MAML2: variants seen among roughly 807,000 people sequenced by gnomAD.
The protein encoded by MAML2 is mastermind like transcriptional coactivator 2.
In MAML2, 22 loss-of-function variants were observed where a neutral mutation model predicts 96.1. The ratio of observed to expected loss-of-function variants is 0.23; its 90% CI spans 0.16 to 0.33. The LOEUF (loss-of-function observed/expected upper bound fraction) is 0.33, where lower values mean the gene tolerates loss of function less well. Among genes scored for constraint, MAML2 ranks in the 10% least tolerant of loss-of-function variants. The pLI, the probability that MAML2 is intolerant of heterozygous loss-of-function variation, is 1.00. For missense variants in MAML2, 1,367 were observed against 1,392.4 expected (o/e 0.98, Z 0.29); for synonymous variants, 561 against 521.3 (o/e 1.08, Z -1.04).
At chr11:96,073,145 T>C (rs2135790063) in intron 2 of MAML2, among the ~76,000 whole-genome samples, 1 of 152,336 alleles carries the variant, frequency 6.6e-6, no homozygotes, top group South Asian at 2.1e-4. Flanking sequence ...ATAATTTAAC[T>C]GAAGTGTATT....
intron 3 of MAML2, among the ~76,000 whole-genome samples, chr11:95,987,400 G>A (rs1473405944): frequency 3.3e-5 from 5 of 152,148 alleles, no homozygotes; most frequent in African/African-American, 1.2e-4. Context: ...TTTTTATCTT[G>A]TTTGGTATGG....
intron 2 of MAML2, among the ~76,000 whole-genome samples, chr11:96,028,295 A>G (rs1858556721): frequency 6.6e-6 from 1 of 151,490 alleles, no homozygotes; most frequent in Non-Finnish European, 1.5e-5. Flanking sequence ...TGCCCCAAAG[A>G]CTCTTCTTTC....
intron 1 of MAML2, among the ~76,000 whole-genome samples, chr11:96,264,009 T>C (rs571067651): frequency 6.6e-6 from 1 of 152,302 alleles, no homozygotes; most frequent in East Asian, 1.9e-4. Flanking sequence ...TAAATGTTGG[T>C]TATAGTTATA....
intron 1 of MAML2, among the ~76,000 whole-genome samples, chr11:96,120,569 C>T (rs1416498078): frequency 6.6e-6 from 1 of 152,194 alleles, no homozygotes; most frequent in Non-Finnish European, 1.5e-5. Context: ...ACTTTGTTTC[C>T]ACTCTGCATC....
In MAML2 at chr11:96,199,196, C is replaced by CAAAA. The variant is rs71459791; in HGVS notation, c.514-105683_514-105680dup. On this transcript the variant is annotated intron_variant, in intron 1 of 4. Coordinates refer to ENST00000524717, the MANE Select transcript of MAML2 (RefSeq NM_032427.4). Reference sequence around the variant, plus strand: ...TGGGCAACAGAGCAAGCCTCCGTCTCAAAAAAAAAAAAAAAAAAAAAAAAA... The same window carrying CAAAA: ...TGGGCAACAGAGCAAGCCTCCGTCTCAAAAAAAAAAAAAAAAAAAAAAAAAAAAA... 6.3e-4 allele frequency among the ~76,000 whole-genome samples: 37 copies of CAAAA among 58,616 alleles called. 1 individual carries two copies. Among genetic ancestry groups the CAAAA allele is most frequent in the Middle Eastern group, 0.011 (1 of 90 alleles). 38.5% of individuals were successfully genotyped at this position (58,616 alleles called of 152,430 possible). A position where few individuals can be genotyped will look rare whatever the true frequency, so the allele number is the denominator to read the frequency against.
chr11:96,181,419 A>G (rs1861483613), intron 1 of MAML2, among the ~76,000 whole-genome samples: 1 of 152,292 alleles, frequency 6.6e-6, no homozygotes, highest in South Asian at 2.1e-4. Flanking sequence ...CTCCTTCACA[A>G]TAACTTAAAA....
chr11:96,037,205 C>T (rs4753715), intron 2 of MAML2, among the ~76,000 whole-genome samples: 1 of 150,984 alleles, frequency 6.6e-6, no homozygotes, highest in Non-Finnish European at 1.5e-5. Flanking sequence ...ACAACAACAA[C>T]AAAAAAAATA....
At chr11:96,240,632 T>A (rs1862425283) in intron 1 of MAML2, among the ~76,000 whole-genome samples, 1 of 149,962 alleles carries the variant, frequency 6.7e-6, no homozygotes, top group Non-Finnish European at 1.5e-5. Flanking sequence ...AGTGGGCTTA[T>A]TATTATTTTT....
chr11:96,092,852 C>A lies in MAML2; in HGVS notation c.1179G>T (p.Met393Ile). ...RPPSAGPAFSMANSALSTSSP... is the reference protein window; with the variant it reads ...RPPSAGPAFSIANSALSTSSP... ...ACGAAGTGGAGAGGGCAGAGTTGGC[C>A]ATGGAGAATGCGGGGCCAGCTGATG... Residue 393 changes from methionine (M) to isoleucine (I), a missense_variant, in exon 2 of 5, where the codon ATG (methionine) becomes ATT (isoleucine). Met to Ile is a conservative substitution (Grantham distance 10, BLOSUM62 1). Transcript: ENST00000524717. This position sits in a 1 kb window ranked among gnomAD's most constrained non-coding sequence, Gnocchi z 4.1. 1 of 1,607,534 alleles carries A rather than the reference C, an allele frequency of 6.2e-7. No homozygotes were observed. The highest frequency in any genetic ancestry group is 8.5e-7 in the Non-Finnish European group (1 of 1,176,312).
intron 1 of MAML2, among the ~76,000 whole-genome samples, chr11:96,184,794 T>C (rs2135914892): frequency 6.6e-6 from 1 of 152,152 alleles, no homozygotes; most frequent in Middle Eastern, 3.4e-3. Context: ...TTTCACCGTG[T>C]TAGCCAGGAT....
At chr11:96,044,888 A>C (rs1858871402) in intron 2 of MAML2, among the ~76,000 whole-genome samples, 1 of 152,220 alleles carries the variant, frequency 6.6e-6, no homozygotes, top group Non-Finnish European at 1.5e-5. Flanking sequence ...TCCAGATAAA[A>C]GTATCAGGAT....
chr11:96,189,436 C>G (rs181299716), intron 1 of MAML2, among the ~76,000 whole-genome samples: 337 of 152,270 alleles, frequency 2.2e-3, no homozygotes, highest in Admixed American at 3.6e-3. Flanking sequence ...TTTGAATTCT[C>G]CATTTGAAAT....
intron 2 of MAML2, among the ~76,000 whole-genome samples, chr11:96,087,437 A>G (rs1859635418): frequency 6.6e-6 from 1 of 152,244 alleles, no homozygotes. Context: ...CCTCCCACAG[A>G]CAACCCACAG....
intron 1 of MAML2, among the ~76,000 whole-genome samples, chr11:96,221,096 G>C (rs766492454): frequency 1.3e-5 from 2 of 152,150 alleles, no homozygotes; most frequent in Non-Finnish European, 2.9e-5. Flanking sequence ...AGTATATAGT[G>C]TTATTAATAC....
intron 2 of MAML2, among the ~76,000 whole-genome samples, chr11:96,070,324 C>T (rs1469435241): frequency 6.6e-6 from 1 of 151,928 alleles, no homozygotes; most frequent in Non-Finnish European, 1.5e-5. Context: ...ATAAATAAGG[C>T]ATAACAAAAA....
At chr11:96,284,010 A>T (rs1204087581) in intron 1 of MAML2, among the ~76,000 whole-genome samples, 1 of 152,140 alleles carries the variant, frequency 6.6e-6, no homozygotes, top group Non-Finnish European at 1.5e-5. Flanking sequence ...AATCAACTAT[A>T]TCCTTCTATC....
chr11:96,162,606 G>C (rs1226593106), intron 1 of MAML2, among the ~76,000 whole-genome samples: 1 of 151,816 alleles, frequency 6.6e-6, no homozygotes, highest in Non-Finnish European at 1.5e-5. Context: ...AGCTACTCGG[G>C]AGGCTGAGGC....
chr11:96,251,589 T>A (rs1862582058), intron 1 of MAML2, among the ~76,000 whole-genome samples: 1 of 152,210 alleles, frequency 6.6e-6, no homozygotes, highest in African/African-American at 2.4e-5. Context: ...ACAGGTATGT[T>A]TTAACCTTCT....
chr11:96,021,762 T>C (rs746401429), intron 2 of MAML2, among the ~76,000 whole-genome samples: 1 of 152,010 alleles, frequency 6.6e-6, no homozygotes, highest in African/African-American at 2.4e-5. Context: ...TTTTAGCCAT[T>C]GAGATTTTGA....
Sources: allele counts gnomAD v4.1 joint callset (sites outside exome capture counted in the v4.1 genomes callset), GRCh38; gene constraint gnomAD v4.1.1; non-coding constraint Gnocchi (gnomAD v3.1); transcripts MANE v1.5; gene names NCBI Gene and HGNC (gene_info 2026-07-23, HGNC 2026-07-21).